The following PXN variants were observed in gnomAD, a reference collection of about 807,000 sequenced individuals.
PXN encodes paxillin, also known as testicular tissue protein Li 134.
Under a neutral mutation model 103.6 loss-of-function variants are expected in PXN, and 61 were observed. The ratio of observed to expected loss-of-function variants is 0.59; its 90% CI spans 0.48 to 0.73. The LOEUF is 0.73. Ranked by LOEUF, PXN falls within the 30% of genes least tolerant of loss-of-function variation. The pLI is 0.00. For synonymous variants in PXN, 562 were observed against 607.8 expected (o/e 0.92, Z 1.11); for missense variants, 1,274 against 1,460.3 (o/e 0.87, Z 2.08).
intron 1 of PXN, among the ~76,000 whole-genome samples, chr12:120,238,587 G>A (rs1490660251): frequency 2.6e-5 from 4 of 152,230 alleles, no homozygotes; most frequent in African/African-American, 7.2e-5. Context: ...ACAGCAGTAC[G>A]TGGCCGCAAT....
chr12:120,265,530 C>A lies in PXN; in HGVS notation c.13+87G>T. ...GGCCGGGGCCGCCGAGGGTGGGATC[C>A]CGCGGCCCCTGCCGCTCGCTGGCGC... On this transcript the variant is annotated intron_variant, in intron 1 of 14. Coordinates refer to ENST00000637617, the MANE Select transcript of PXN (RefSeq NM_001385981.1). This position sits in a 1 kb window ranked among gnomAD's most constrained non-coding sequence, Gnocchi z 5.7. 1 of 1,414,108 alleles carries A rather than the reference C, an allele frequency of 7.1e-7. No individual in the cohort carries two copies. The highest frequency in any genetic ancestry group is 1.4e-5 in the South Asian group (1 of 71,532). 87.6% of individuals were successfully genotyped at this position (1,414,108 alleles called of 1,614,324 possible).
At chr12:120,262,074 A>T (rs1410608532) in intron 1 of PXN, among the ~76,000 whole-genome samples, 1 of 152,180 alleles carries the variant, frequency 6.6e-6, no homozygotes, top group Non-Finnish European at 1.5e-5. Context: ...ACACAGAGGG[A>T]CCACAGACAG....
At position 120,226,410 on chromosome 12, in the gene PXN, G is replaced by A. The variant is rs1442180479; in HGVS notation, c.14-2033C>T. ...GCACAGATGGTATAACTGCGGTTCAGAGGCAGAGTCACATCCCACACTGCC... is the reference window on the plus strand; with the variant it reads ...GCACAGATGGTATAACTGCGGTTCAAAGGCAGAGTCACATCCCACACTGCC... On this transcript the variant is annotated intron_variant, in intron 1 of 14. Transcript: ENST00000637617. The A allele has an allele frequency of 4.7e-6, 6 of 1,289,102 alleles. No homozygotes were observed. In the African/African-American group the frequency reaches 9.1e-5, roughly 20 times the overall value. The allele number at this position is 1,289,102 out of a possible 1,614,324, so 79.9% of individuals were successfully genotyped here. A position where few individuals can be genotyped will look rare whatever the true frequency, so the allele number is the denominator to read the frequency against.
At chr12:120,218,106 G>C (rs1400514517) in intron 7 of PXN, among the ~76,000 whole-genome samples, 1 of 145,662 alleles carries the variant, frequency 6.9e-6, no homozygotes, top group African/African-American at 2.6e-5. Context: ...ATGCAGTGGT[G>C]CGATCACAAC....
chr12:120,232,031 T>C (rs1206865830), intron 1 of PXN, among the ~76,000 whole-genome samples: 2 of 152,204 alleles, frequency 1.3e-5, no homozygotes, highest in Admixed American at 1.3e-4. Context: ...GTCTTTCTCT[T>C]CTTTTTTTCT....
Position 120,214,974 on chromosome 12 carries a change from A to G in PXN, c.2599T>C (p.Trp867Arg). The G allele has an allele frequency of 1.2e-6, 2 of 1,613,852 alleles. No individual in the cohort carries two copies. The highest frequency in any genetic ancestry group is 1.7e-6 in the Non-Finnish European group (2 of 1,179,822). ...GQVVTAMGKT[W>R]HPEHFVCTHC... The stretch of plus-strand genomic sequence containing the variant: ...GTGCAGACGAAGTGCTCGGGGTGCC[A>G]CGTCTTCCCCATGGCGGTCACAACC... Residue 867 changes from tryptophan (W) to arginine (R), a missense_variant, in exon 12 of 15, where the codon TGG becomes CGG. Coordinates refer to ENST00000637617, the MANE Select transcript of PXN (RefSeq NM_001385981.1). This position sits in a 1 kb window ranked among gnomAD's most constrained non-coding sequence, Gnocchi z 5.0.
At position 120,224,530 on chromosome 12, in the gene PXN, C is replaced by T; in HGVS notation, c.14-153G>A. ...GACCAGCCTTGGGACAGGAAGCCAC[C>T]AGCCCCGACCAGCCTAACCAAGAGC... is the stretch of plus-strand genomic sequence containing the variant. On this transcript the variant is annotated intron_variant, in intron 1 of 14. Coordinates refer to ENST00000637617, the MANE Select transcript of PXN (RefSeq NM_001385981.1). This position sits in a 1 kb window ranked among gnomAD's most constrained non-coding sequence, Gnocchi z 5.0. The T allele has an allele frequency of 1.4e-6, 1 of 734,200 alleles. No homozygotes were observed. Among genetic ancestry groups the T allele is most frequent in the Non-Finnish European group, 2.5e-6 (1 of 405,106 alleles). 45.5% of individuals were successfully genotyped at this position (734,200 alleles called of 1,614,324 possible). A position where few individuals can be genotyped will look rare whatever the true frequency, so the allele number is the denominator to read the frequency against.
chr12:120,239,115 C>T (rs1889675123), intron 1 of PXN, among the ~76,000 whole-genome samples: 1 of 152,220 alleles, frequency 6.6e-6, no homozygotes, highest in South Asian at 2.1e-4. Flanking sequence ...TGTCCCACTA[C>T]TGCCCTTCCT....
At chr12:120,234,145 T>A (rs1888591916) in intron 1 of PXN, among the ~76,000 whole-genome samples, 1 of 152,146 alleles carries the variant, frequency 6.6e-6, no homozygotes, top group African/African-American at 2.4e-5. Flanking sequence ...ATGCTTGTAA[T>A]CCCAGCACTT....
chr12:120,220,872 T>C lies in PXN; in HGVS notation c.831+751A>G, dbSNP rs1015088513. Among the ~76,000 whole-genome samples, 2 of 152,190 alleles carry C rather than the reference T, an allele frequency of 1.3e-5. No individual in the cohort carries two copies. Among genetic ancestry groups the C allele is most frequent in the African/African-American group, 4.8e-5 (2 of 41,454 alleles). On this transcript the variant is annotated intron_variant, in intron 6 of 14. Coordinates refer to ENST00000637617, the MANE Select transcript of PXN (RefSeq NM_001385981.1). The surrounding 1 kb of genome is among the most constrained non-coding windows in gnomAD (Gnocchi z 6.1). ...CTCCCCTCTCATATTCCCTAGGTCA[T>C]GCCCCAAAGGTCTCCAGCTGACCCA...
In PXN at chr12:120,219,600, C is replaced by T. The variant is rs1460946356; in HGVS notation, c.1323G>A (p.Ser441=). 19 of 1,565,048 alleles carry T rather than the reference C, an allele frequency of 1.2e-5. No individual in the cohort carries two copies. The highest frequency in any genetic ancestry group is 1.1e-4 in the African/African-American group (8 of 74,078). Residue 441 remains serine (S), a synonymous_variant, in exon 7 of 15, where the codon TCG becomes TCA. Transcript: ENST00000637617. This position sits in a 1 kb window ranked among gnomAD's most constrained non-coding sequence, Gnocchi z 6.5. ...LAATWEQPWA[S]EVFGPERMPP... Reference sequence around the variant, plus strand: ...GCATTCTCTCAGGCCCGAATACCTCCGAAGCCCATGGCTGCTCCCATGTGG... The same window carrying T: ...GCATTCTCTCAGGCCCGAATACCTCTGAAGCCCATGGCTGCTCCCATGTGG...
intron 1 of PXN, among the ~76,000 whole-genome samples, chr12:120,241,547 G>C (rs1566419912): frequency 6.6e-6 from 1 of 152,232 alleles, no homozygotes. Context: ...GCTGGGCATG[G>C]GAGGGGCAAA....
At chr12:120,242,768 C>T (rs540784324) in intron 1 of PXN, among the ~76,000 whole-genome samples, 65 of 152,066 alleles carry the variant, frequency 4.3e-4, no homozygotes, top group African/African-American at 1.5e-3. Context: ...GTAATCCCAG[C>T]TATTCAGGAG....
At chr12:120,254,845 G>A (rs1388189382) in intron 1 of PXN, among the ~76,000 whole-genome samples, 2 of 152,164 alleles carry the variant, frequency 1.3e-5, no homozygotes, top group African/African-American at 2.4e-5. Context: ...CACAATGCCC[G>A]GCCTAAGGTT....
chr12:120,235,603 A>C (rs1187786378), intron 1 of PXN, among the ~76,000 whole-genome samples: 1 of 152,118 alleles, frequency 6.6e-6, no homozygotes, highest in Admixed American at 6.6e-5. Context: ...AGAGGAATCC[A>C]AAAAGGCGGG....
chr12:120,213,901 G>A lies in PXN; in HGVS notation c.2920C>T (p.Leu974=), dbSNP rs1169898915. ...PKCGGCARAI[L]ENYISALNTL... ...TTGAGGGCTGAGATATAGTTCTCCAGGATGGCCCGGGCGCAGCCGCCACAC... is the reference window on the plus strand; with the variant it reads ...TTGAGGGCTGAGATATAGTTCTCCAAGATGGCCCGGGCGCAGCCGCCACAC... Residue 974 remains leucine (L), a synonymous_variant, in exon 14 of 15, where the codon CTG becomes TTG. Transcript: ENST00000637617. This position sits in a 1 kb window ranked among gnomAD's most constrained non-coding sequence, Gnocchi z 4.2. The A allele has an allele frequency of 6.2e-6, 10 of 1,610,984 alleles. No individual in the cohort carries two copies. Among genetic ancestry groups the A allele is most frequent in the Middle Eastern group, 3.3e-4 (2 of 6,080 alleles).
chr12:120,224,742 G>A lies in PXN; in HGVS notation c.14-365C>T, dbSNP rs774896128. ...GAACTCTGAATCTGCAGGGCAACGC[G>A]GAGAGAATGGGCGGGAGGGGCCCCA... On this transcript the variant is annotated intron_variant, in intron 1 of 14. Transcript: ENST00000637617. This position sits in a 1 kb window ranked among gnomAD's most constrained non-coding sequence, Gnocchi z 5.0. 1.9e-4 allele frequency: 97 copies of A among 509,642 alleles called. 1 individual carries two copies. Among genetic ancestry groups the A allele is most frequent in the South Asian group, 4.6e-4 (30 of 65,034 alleles). The allele number at this position is 509,642 out of a possible 1,614,324, so 31.6% of individuals were successfully genotyped here. A position where few individuals can be genotyped will look rare whatever the true frequency, so the allele number is the denominator to read the frequency against.
intron 1 of PXN, among the ~76,000 whole-genome samples, chr12:120,227,901 T>C (rs1887224377): frequency 6.6e-6 from 1 of 152,174 alleles, no homozygotes; most frequent in African/African-American, 2.4e-5. Context: ...ACGTCCCCCC[T>C]GGCTTGAGCA....
At chr12:120,237,148 T>TACACACACAC (rs201905149) in intron 1 of PXN, among the ~76,000 whole-genome samples, 2 of 137,634 alleles carry the variant, frequency 1.5e-5, no homozygotes, top group South Asian at 2.4e-4. Context: ...TGTGTGTGTA[T>TACACACACAC]ACACACACAC....
Sources: allele counts gnomAD v4.1 joint callset (sites outside exome capture counted in the v4.1 genomes callset), GRCh38; gene constraint gnomAD v4.1.1; non-coding constraint Gnocchi (gnomAD v3.1); transcripts MANE v1.5; gene names NCBI Gene and HGNC (gene_info 2026-07-23, HGNC 2026-07-21).